The following CDK13 variants were observed in gnomAD, a reference collection of about 807,000 sequenced individuals.
CDK13 encodes the protein cyclin dependent kinase 13.
In CDK13, 40 loss-of-function variants were observed where a neutral mutation model predicts 137.6. That is an observed-to-expected ratio of 0.29 (90% CI 0.23 to 0.38). The LOEUF (loss-of-function observed/expected upper bound fraction) is 0.38, where lower values mean the gene tolerates loss of function less well. Among genes scored for constraint, CDK13 ranks in the 10% least tolerant of loss-of-function variants. The probability of loss-of-function intolerance (pLI) is 1.00; values close to 1 mark genes in which losing one functional copy is unlikely to be tolerated. For synonymous variants in CDK13, 869 were observed against 760.1 expected (o/e 1.14, Z -2.36); for missense variants, 1,704 against 1,951.8 (o/e 0.87, Z 2.39).
intron 5 of CDK13, among the ~76,000 whole-genome samples, chr7:40,033,128 G>C (rs867001213): frequency 5.3e-5 from 8 of 152,182 alleles, no homozygotes; most frequent in Middle Eastern, 3.4e-3. Context: ...GCTAATTTCT[G>C]TATTTTTAGT....
chr7:40,007,413 C>T (rs1784815112), intron 5 of CDK13, among the ~76,000 whole-genome samples: 1 of 152,192 alleles, frequency 6.6e-6, no homozygotes, highest in Middle Eastern at 3.4e-3. Context: ...TTTCATATAA[C>T]TTGTATTTTT....
intron 7 of CDK13, among the ~76,000 whole-genome samples, chr7:40,053,157 T>A (rs1243885684): frequency 6.6e-6 from 1 of 152,086 alleles, no homozygotes. Context: ...CTGTTGGGGG[T>A]ATATCATCCG....
chr7:39,958,840 A>G (rs1205262391), intron 1 of CDK13, among the ~76,000 whole-genome samples: 1 of 152,214 alleles, frequency 6.6e-6, no homozygotes, highest in Non-Finnish European at 1.5e-5. Context: ...TACACTTTCA[A>G]AATGCCTTTC....
chr7:40,074,837 A>T (rs1786507059), intron 9 of CDK13, among the ~76,000 whole-genome samples: 2 of 151,142 alleles, frequency 1.3e-5, no homozygotes, highest in African/African-American at 4.9e-5. Context: ...AAAAAAAAAC[A>T]AAATATTTAA....
rs555933351 is a variant in CDK13, at chr7:40,049,887, A to T, written c.2600+2010A>T. On this transcript the variant is annotated intron_variant, in intron 7 of 13. Transcript: ENST00000181839. ...ACTTAACACAATGCGCTTCACGTTC[A>T]TCCATGTTGTCATAAATGACAGGAT... Among the ~76,000 whole-genome samples the T allele has an allele frequency of 2.2e-4, 33 of 152,292 alleles. 1 individual carries two copies. The Middle Eastern group carries it at 0.01, about 47-fold the overall frequency.
chr7:40,062,711 G>GAA lies in CDK13; in HGVS notation c.2601-113_2601-112dup. The GAA allele has an allele frequency of 1.3e-5, 10 of 750,706 alleles. No individual in the cohort carries two copies. In the South Asian group the frequency reaches 1.7e-4, roughly 13 times the overall value. 46.5% of individuals were successfully genotyped at this position (750,706 alleles called of 1,614,324 possible). On this transcript the variant is annotated intron_variant, in intron 7 of 13. Transcript: ENST00000181839. The stretch of plus-strand genomic sequence containing the variant: ...TGTCTGTATTTTTTAGTAGGCAGAT[G>GAA]AAAGTGTTTTTAGTTAGGATTATAG...
chr7:40,070,499 G>A (rs1786395157), intron 9 of CDK13: 1 of 150,806 alleles, frequency 6.6e-6, no homozygotes, highest in African/African-American at 2.4e-5. Flanking sequence ...TGGTTTACTT[G>A]AAGTCAGGAG....
At chr7:39,984,091 C>A (rs550710198) in intron 1 of CDK13, 1 of 152,178 alleles carries the variant, frequency 6.6e-6, no homozygotes, top group African/African-American at 2.4e-5. Context: ...TTTCTAAACA[C>A]TTCCCTCCAC....
chr7:39,956,215 A>G (rs1787404010), intron 1 of CDK13, among the ~76,000 whole-genome samples: 1 of 152,210 alleles, frequency 6.6e-6, no homozygotes, highest in Non-Finnish European at 1.5e-5. Flanking sequence ...AAAAAATAGG[A>G]TACTAGAACA....
chr7:40,064,591 G>C (rs1786235080), intron 9 of CDK13, among the ~76,000 whole-genome samples: 1 of 151,966 alleles, frequency 6.6e-6, no homozygotes, highest in Non-Finnish European at 1.5e-5. Context: ...GTACAGCAGG[G>C]AAAGATGAGT....
chr7:40,017,877 T>C (rs1158528995), intron 5 of CDK13, among the ~76,000 whole-genome samples: 1 of 151,960 alleles, frequency 6.6e-6, no homozygotes, highest in Non-Finnish European at 1.5e-5. Flanking sequence ...CTTTTATTTT[T>C]ATCTTACAGT....
chr7:39,968,072 C>T (rs1040685718), intron 1 of CDK13, among the ~76,000 whole-genome samples: 3 of 151,976 alleles, frequency 2.0e-5, no homozygotes, highest in African/African-American at 4.8e-5. Context: ...GTCCTTTGCC[C>T]GTTTTTGAAA....
intron 12 of CDK13, among the ~76,000 whole-genome samples, chr7:40,091,093 C>G (rs1786911219): frequency 6.6e-6 from 1 of 152,164 alleles, no homozygotes; most frequent in Non-Finnish European, 1.5e-5. Context: ...CGCCTGTAAT[C>G]CCAGCACTTT....
In CDK13 at chr7:39,951,418, A is replaced by G. The variant is rs1787189539; in HGVS notation, c.777A>G (p.Lys259=). 1.3e-6 allele frequency: 2 copies of G among 1,525,004 alleles called. No individual in the cohort carries two copies. The highest frequency in any genetic ancestry group is 1.8e-6 in the Non-Finnish European group (2 of 1,138,050). 94.5% of individuals were successfully genotyped at this position (1,525,004 alleles called of 1,614,324 possible). Residue 259 remains lysine, a synonymous_variant, in exon 1 of 14, where the codon AAA becomes AAG. Coordinates refer to ENST00000181839, the MANE Select transcript of CDK13 (RefSeq NM_003718.5). ...GSSSSSGGRR[K]SASATSSSSS... ...GCAGCAGCAGCGGCGGCCGCCGGAA[A>G]AGCGCTTCGGCCACATCCAGCAGCA...
intron 2 of CDK13, among the ~76,000 whole-genome samples, chr7:39,988,658 C>T (rs1784391870): frequency 6.6e-6 from 1 of 152,030 alleles, no homozygotes; most frequent in Non-Finnish European, 1.5e-5. Context: ...TCTTCAGTGG[C>T]CTTGTAAATT....
intron 5 of CDK13, among the ~76,000 whole-genome samples, chr7:40,029,684 G>A (rs928307848): frequency 9.3e-5 from 14 of 150,708 alleles, no homozygotes; most frequent in African/African-American, 3.2e-4. Flanking sequence ...ACAGCGTCTC[G>A]CTCTGTTGCC....
rs61228761 is a variant in CDK13, at chr7:40,012,911, CAAA to C, written c.2353+10895_2353+10897del. 2.2e-3 allele frequency among the ~76,000 whole-genome samples: 269 copies of C among 120,562 alleles called. 2 individuals are homozygous for C. Among genetic ancestry groups the C allele is most frequent in the African/African-American group, 6.0e-3 (207 of 34,572 alleles). The allele number at this position is 120,562 out of a possible 152,430, so 79.1% of individuals were successfully genotyped here. A position where few individuals can be genotyped will look rare whatever the true frequency, so the allele number is the denominator to read the frequency against. On this transcript the variant is annotated intron_variant, in intron 5 of 13. Transcript: ENST00000181839. ...TGGGCGACCAAGTGAGACTCTGTGT[CAAA>C]AAAAAAAAAAAAAAGGGAAACAGCA... is the stretch of plus-strand genomic sequence containing the variant.
At chr7:39,999,714 C>T (rs1784644126) in intron 4 of CDK13, among the ~76,000 whole-genome samples, 1 of 152,032 alleles carries the variant, frequency 6.6e-6, no homozygotes, top group Non-Finnish European at 1.5e-5. Context: ...AAAAGTGTTC[C>T]TTTAGTATTT....
chr7:39,958,684 C>T (rs933792489), intron 1 of CDK13, among the ~76,000 whole-genome samples: 10 of 151,064 alleles, frequency 6.6e-5, no homozygotes, highest in Non-Finnish European at 1.2e-4. Flanking sequence ...TTGATAAATT[C>T]TTAGTTTTGT....
Sources: gnomAD v4.1 joint callset for allele counts (sites outside exome capture counted in the v4.1 genomes callset) on GRCh38, gnomAD v4.1.1 for gene constraint, MANE v1.5 for transcripts, NCBI Gene and HGNC (gene_info 2026-07-23, HGNC 2026-07-21) for gene names.